XRRA1: variants seen among roughly 807,000 people sequenced by gnomAD.
XRRA1 encodes the protein X-ray radiation resistance associated 1, also known as X-ray radiation resistance-associated protein 1.
Under a neutral mutation model 80.2 loss-of-function variants are expected in XRRA1, and 69 were observed. That is an observed-to-expected ratio of 0.86 (90% CI 0.71 to 1.05). The LOEUF (loss-of-function observed/expected upper bound fraction) is 1.05, where lower values mean the gene tolerates loss of function less well. Among genes scored for constraint, XRRA1 ranks in the 50% least tolerant of loss-of-function variants. The pLI is 0.00. For synonymous variants in XRRA1, 348 were observed against 389.9 expected, an observed-to-expected ratio of 0.89 and a Z score of 1.27; for missense variants, 967 against 976.4, an observed-to-expected ratio of 0.99 and a Z score of 0.13.
chr11:74,894,525 C>G (rs765362187), intron 10 of XRRA1, among the ~76,000 whole-genome samples: 1 of 152,026 alleles, frequency 6.6e-6, no homozygotes, highest in African/African-American at 2.4e-5. Flanking sequence ...TGGCAGAAAG[C>G]GAGGGGGAGG....
At chr11:74,941,988 C>T (rs1373115998) in intron 2 of XRRA1, among the ~76,000 whole-genome samples, 1 of 151,988 alleles carries the variant, frequency 6.6e-6, no homozygotes, top group African/African-American at 2.4e-5. Context: ...TGGTACATGC[C>T]TGTGGTCCCA....
At chr11:74,891,624 G>C (rs1437776308) in intron 10 of XRRA1, among the ~76,000 whole-genome samples, 2 of 152,236 alleles carry the variant, frequency 1.3e-5, no homozygotes, top group African/African-American at 4.8e-5. Flanking sequence ...GTCCCTGTTT[G>C]CAGATGACAT....
chr11:74,843,095 G>A lies in XRRA1; in HGVS notation c.*105C>T. On this transcript the variant is annotated 3_prime_UTR_variant, in exon 19 of 19. Coordinates refer to ENST00000684022, the MANE Select transcript of XRRA1 (RefSeq NM_001378157.1). ...CAAGTGGGGCCCAGCTGAGCTCTGA[G>A]GCCTGTGGCCGGCTGGTCAACCTTG... The A allele has an allele frequency of 1.4e-6, 2 of 1,414,546 alleles. No homozygotes were observed. Among genetic ancestry groups the A allele is most frequent in the Non-Finnish European group, 1.9e-6 (2 of 1,069,840 alleles). 87.6% of individuals were successfully genotyped at this position (1,414,546 alleles called of 1,614,324 possible). A position where few individuals can be genotyped will look rare whatever the true frequency, so the allele number is the denominator to read the frequency against.
rs770885440 is a variant in XRRA1, at chr11:74,851,153, A to G, written c.1315T>C (p.Leu439=). ...GGCTTTACTATCTTCCTTCGAATTA[A>G]GTGGATTCCCAGTCGCTCCTGGAGG... ...SFLQERLGIH[L]IRRKIVKPKH... is the part of the protein sequence containing the mutation. The change falls in exon 14 of 19, where the codon TTA becomes CTA. Residue 439 remains leucine (L), a synonymous_variant. Transcript: ENST00000684022. 1 of 1,613,272 alleles carries G rather than the reference A, an allele frequency of 6.2e-7. No homozygotes were observed. Among genetic ancestry groups the G allele is most frequent in the South Asian group, 1.1e-5 (1 of 91,046 alleles).
At chr11:74,936,144 TGAGA>T (rs1565444940) in intron 4 of XRRA1, among the ~76,000 whole-genome samples, 1 of 152,224 alleles carries the variant, frequency 6.6e-6, no homozygotes, top group Non-Finnish European at 1.5e-5. Flanking sequence ...TAGGGAGCTA[TGAGA>T]ACTCGACTGC....
chr11:74,867,994 T>C (rs1440313151), intron 10 of XRRA1, among the ~76,000 whole-genome samples: 1 of 150,738 alleles, frequency 6.6e-6, no homozygotes, highest in African/African-American at 2.5e-5. Context: ...CGATCTTGGT[T>C]CACTGCAACC....
intron 8 of XRRA1, among the ~76,000 whole-genome samples, chr11:74,911,693 C>T (rs1034419041): frequency 2.7e-4 from 41 of 152,158 alleles, no homozygotes; most frequent in African/African-American, 9.7e-4. Context: ...CAGGCACACA[C>T]CACCATTCCC....
At chr11:74,845,802 C>G (rs376623306) in intron 15 of XRRA1, 5 of 154,632 alleles carry the variant, frequency 3.2e-5, no homozygotes, top group African/African-American at 1.2e-4. Context: ...TTTGTATTTT[C>G]TTTATGCTCA....
chr11:74,871,600 A>G (rs968595384), intron 10 of XRRA1, among the ~76,000 whole-genome samples: 1 of 152,126 alleles, frequency 6.6e-6, no homozygotes, highest in African/African-American at 2.4e-5. Context: ...TCAGGCAGCT[A>G]TTGAGTGTCC....
intron 10 of XRRA1, among the ~76,000 whole-genome samples, chr11:74,898,424 T>C (rs910939473): frequency 2.0e-5 from 3 of 151,984 alleles, no homozygotes; most frequent in South Asian, 4.1e-4. Flanking sequence ...AATAGTAACA[T>C]TAAATGTAAA....
intron 10 of XRRA1, among the ~76,000 whole-genome samples, chr11:74,892,265 T>A (rs2050959077): frequency 6.6e-6 from 1 of 152,120 alleles, no homozygotes; most frequent in Admixed American, 6.6e-5. Context: ...TCTACAACCA[T>A]CTGATCTTTG....
At chr11:74,892,448 A>C (rs1441984551) in intron 10 of XRRA1, among the ~76,000 whole-genome samples, 2 of 152,200 alleles carry the variant, frequency 1.3e-5, no homozygotes, top group Admixed American at 6.5e-5. Context: ...AAACCATAAA[A>C]GCCCTAGAAG....
chr11:74,880,344 ATTC>A lies in XRRA1; in HGVS notation c.1004-17326_1004-17324del, dbSNP rs1182651037. 1.9e-4 allele frequency among the ~76,000 whole-genome samples: 29 copies of A among 151,846 alleles called. 1 individual carries two copies. In the South Asian group the frequency reaches 3.7e-3, roughly 20 times the overall value. ...TATCATTTTTTATTGCATCTATTCGATTCTTCTTTTTTTCTTTATTAGTCTTGC... is the reference window on the plus strand; with the variant it reads ...TATCATTTTTTATTGCATCTATTCGATTCTTTTTTTCTTTATTAGTCTTGC... On this transcript the variant is annotated intron_variant, in intron 10 of 18. Transcript: ENST00000684022.
At chr11:74,919,531 A>T in intron 8 of XRRA1, 3 of 353,794 alleles carry the variant, frequency 8.5e-6, no homozygotes, top group Non-Finnish European at 1.6e-5. Flanking sequence ...TTCTGTCTAC[A>T]GCCTGACTGG....
At chr11:74,917,326 C>T (rs1157991760) in intron 8 of XRRA1, among the ~76,000 whole-genome samples, 5 of 152,112 alleles carry the variant, frequency 3.3e-5, no homozygotes, top group East Asian at 1.9e-4. Flanking sequence ...TAGCTGCTAC[C>T]GGGTTAAAGC....
chr11:74,903,203 C>T (rs544595957), intron 10 of XRRA1, among the ~76,000 whole-genome samples: 1 of 152,280 alleles, frequency 6.6e-6, no homozygotes, highest in Admixed American at 6.5e-5. Flanking sequence ...TATACATATA[C>T]TCTGTCATCC....
rs1336700811 is a variant in XRRA1, at chr11:74,852,051, G to A, written c.1202C>T (p.Ala401Val). Reference sequence around the variant, plus strand: ...GAACTCGCAGAGAGATGGGAAGAGAGCTACTGGTAGGACAGCATCCTCTTT... The same window carrying A: ...GAACTCGCAGAGAGATGGGAAGAGAACTACTGGTAGGACAGCATCCTCTTT... ...IAKEDAVLPVALFPSLCEFVF... is the reference protein window; with the variant it reads ...IAKEDAVLPVVLFPSLCEFVF... The change falls in exon 13 of 19, where the codon GCT becomes GTT. Residue 401 changes from alanine to valine, a missense_variant. Physicochemically the swap from Ala to Val is moderately conservative, Grantham distance 64. Transcript: ENST00000684022. The A allele has an allele frequency of 1.9e-6, 3 of 1,613,956 alleles. No homozygotes were observed. The African/African-American group carries it at 4.0e-5, about 22-fold the overall frequency.
chr11:74,855,649 G>A (rs2040912847), intron 12 of XRRA1, among the ~76,000 whole-genome samples: 1 of 152,166 alleles, frequency 6.6e-6, no homozygotes, highest in Non-Finnish European at 1.5e-5. Flanking sequence ...TAGGAACTAA[G>A]TATTAAAGAC....
chr11:74,934,558 T>C (rs749011428), intron 4 of XRRA1, among the ~76,000 whole-genome samples: 7 of 152,230 alleles, frequency 4.6e-5, no homozygotes, highest in Non-Finnish European at 1.0e-4. Flanking sequence ...CAGGAGGTCC[T>C]AACCTCAGTC....
Sources: allele counts gnomAD v4.1 joint callset (sites outside exome capture counted in the v4.1 genomes callset), GRCh38; gene constraint gnomAD v4.1.1; transcripts MANE v1.5; gene names NCBI Gene and HGNC (gene_info 2026-07-23, HGNC 2026-07-21).